Variants in STX8 observed in about 807,000 individuals in gnomAD.
STX8 encodes the protein syntaxin 8.
In STX8, 23 loss-of-function variants were observed where a neutral mutation model predicts 37.5. That is an observed-to-expected ratio of 0.61 (90% CI 0.44 to 0.87). The LOEUF is 0.87. Among genes scored for constraint, STX8 ranks in the 40% least tolerant of loss-of-function variants. STX8 has a pLI of 0.00. For missense variants in STX8, 313 were observed against 284.7 expected (o/e 1.10, Z -0.71); for synonymous variants, 115 against 99.1 (o/e 1.16, Z -0.95).
At chr17:9,276,817 T>C (rs1358658429) in intron 7 of STX8, among the ~76,000 whole-genome samples, 1 of 151,662 alleles carries the variant, frequency 6.6e-6, no homozygotes, top group African/African-American at 2.4e-5. Context: ...TTTGTGTTTT[T>C]AGTAGAGACG....
chr17:9,540,539 T>C (rs1157899072), intron 4 of STX8: 1 of 152,120 alleles, frequency 6.6e-6, no homozygotes, highest in Non-Finnish European at 1.5e-5. Context: ...ACCGACATCA[T>C]TCTCCTTCCT....
intron 7 of STX8, among the ~76,000 whole-genome samples, chr17:9,318,464 T>G (rs1412533224): frequency 1.3e-5 from 2 of 152,104 alleles, no homozygotes; most frequent in African/African-American, 4.8e-5. Flanking sequence ...AGGAATAATC[T>G]AGAATAAGAA....
intron 6 of STX8, among the ~76,000 whole-genome samples, chr17:9,386,700 G>C (rs530866780): frequency 9.7e-4 from 148 of 152,198 alleles, no homozygotes; most frequent in African/African-American, 3.4e-3. Flanking sequence ...GCAGTGGGAT[G>C]GTTAATCTTT....
At chr17:9,351,425 G>A (rs1048296542) in intron 7 of STX8, among the ~76,000 whole-genome samples, 4 of 151,936 alleles carry the variant, frequency 2.6e-5, no homozygotes, top group African/African-American at 9.7e-5. Flanking sequence ...CCAAAGTGCT[G>A]GGATTACAGG....
At chr17:9,574,208 T>C (rs1020643937) in intron 1 of STX8, among the ~76,000 whole-genome samples, 2 of 151,032 alleles carry the variant, frequency 1.3e-5, no homozygotes, top group Admixed American at 1.3e-4. Context: ...GAGGTGGAGG[T>C]TGCAGTGAGC....
chr17:9,322,124 C>A (rs1275864970), intron 7 of STX8, among the ~76,000 whole-genome samples: 1 of 152,168 alleles, frequency 6.6e-6, no homozygotes, highest in Non-Finnish European at 1.5e-5. Flanking sequence ...CAGACCCCAG[C>A]CAGCAGTACA....
At chr17:9,322,260 C>T (rs1016449682) in intron 7 of STX8, among the ~76,000 whole-genome samples, 1 of 152,246 alleles carries the variant, frequency 6.6e-6, no homozygotes, top group African/African-American at 2.4e-5. Flanking sequence ...AGAGGAAGAT[C>T]TCCCCTGGGC....
rs1202424117 is a variant in STX8, at chr17:9,316,922, C to A, written c.643+61630G>T. Among the ~76,000 whole-genome samples the A allele has an allele frequency of 6.6e-5, 10 of 152,254 alleles. No homozygotes were observed. The East Asian group carries it at 1.9e-3, about 29-fold the overall frequency. On this transcript the variant is annotated intron_variant, in intron 7 of 7. Coordinates refer to ENST00000306357, the MANE Select transcript of STX8 (RefSeq NM_004853.3). Reference sequence around the variant, plus strand: ...TGGTATCCGCCAGAGAACTGATGAGCAAGGAAAATCATTCACACCTGGTAT... The same window carrying A: ...TGGTATCCGCCAGAGAACTGATGAGAAAGGAAAATCATTCACACCTGGTAT...
At chr17:9,365,405 G>A (rs1911199063) in intron 7 of STX8, among the ~76,000 whole-genome samples, 2 of 152,176 alleles carry the variant, frequency 1.3e-5, no homozygotes, top group Non-Finnish European at 2.9e-5. Flanking sequence ...AGAGATGAAG[G>A]AAGTTTGGGG....
intron 7 of STX8, among the ~76,000 whole-genome samples, chr17:9,374,101 T>G (rs1014725097): frequency 2.6e-5 from 4 of 151,540 alleles, no homozygotes; most frequent in African/African-American, 4.8e-5. Flanking sequence ...TTTTTTTTTT[T>G]GATGGAGTCT....
intron 6 of STX8, among the ~76,000 whole-genome samples, chr17:9,464,441 G>A (rs1053203509): frequency 1.1e-4 from 16 of 152,072 alleles, no homozygotes; most frequent in African/African-American, 3.9e-4. Context: ...CACAGAGTAG[G>A]CTGAATAAAT....
At chr17:9,421,868 C>G (rs1913443696) in intron 6 of STX8, among the ~76,000 whole-genome samples, 1 of 152,016 alleles carries the variant, frequency 6.6e-6, no homozygotes, top group African/African-American at 2.4e-5. Flanking sequence ...GGTGAACTTC[C>G]CCCATGCTGT....
chr17:9,442,553 T>A (rs1904705425), intron 6 of STX8, among the ~76,000 whole-genome samples: 1 of 152,114 alleles, frequency 6.6e-6, no homozygotes, highest in Admixed American at 6.6e-5. Flanking sequence ...ATTATAGGCA[T>A]GTGCCACCAC....
chr17:9,539,781 G>C lies in STX8; in HGVS notation c.323+5391C>G, dbSNP rs189227761. On this transcript the variant is annotated intron_variant, in intron 4 of 7. Coordinates refer to ENST00000306357, the MANE Select transcript of STX8 (RefSeq NM_004853.3). ...CCTAGAACTAGGAATTAACTGTAGA[G>C]AGGACTAAGGAAATCTCTGCAAGTC... Among the ~76,000 whole-genome samples, 381 of 152,216 alleles carry C rather than the reference G, an allele frequency of 2.5e-3. 1 individual carries two copies. Among genetic ancestry groups the C allele is most frequent in the South Asian group, 0.012 (57 of 4,814 alleles).
chr17:9,522,634 C>T (rs1905397518), intron 4 of STX8, among the ~76,000 whole-genome samples: 2 of 151,566 alleles, frequency 1.3e-5, no homozygotes, highest in Non-Finnish European at 2.9e-5. Flanking sequence ...ATGGCGTGAA[C>T]CCAGGAGGCG....
chr17:9,332,332 A>G (rs1282717301), intron 7 of STX8, among the ~76,000 whole-genome samples: 1 of 152,210 alleles, frequency 6.6e-6, no homozygotes, highest in Non-Finnish European at 1.5e-5. Context: ...CCCCTCATCC[A>G]AAACACCAAT....
intron 6 of STX8, among the ~76,000 whole-genome samples, chr17:9,443,242 C>T (rs377670039): frequency 6.0e-4 from 91 of 152,274 alleles, no homozygotes; most frequent in Middle Eastern, 3.4e-3. Flanking sequence ...CTAATCTTCA[C>T]GTTTGGAGCT....
At chr17:9,427,631 G>A (rs768252198) in intron 6 of STX8, among the ~76,000 whole-genome samples, 7 of 152,034 alleles carry the variant, frequency 4.6e-5, no homozygotes, top group African/African-American at 7.2e-5. Flanking sequence ...CTGTGGCTGC[G>A]GCTGCCTCGA....
intron 6 of STX8, among the ~76,000 whole-genome samples, chr17:9,455,487 G>A (rs9892884): frequency 0.19 from 28,822 of 151,920 alleles, 3,562 homozygotes; most frequent in East Asian, 0.62. Flanking sequence ...GCGACAGAGC[G>A]AGACTCTGTC....
Sources: gnomAD v4.1 joint callset for allele counts (sites outside exome capture counted in the v4.1 genomes callset) on GRCh38, gnomAD v4.1.1 for gene constraint, MANE v1.5 for transcripts, NCBI Gene and HGNC (gene_info 2026-07-23, HGNC 2026-07-21) for gene names.